Variants in FAT3 observed in about 807,000 individuals in gnomAD.
FAT3 encodes FAT atypical cadherin 3.
In FAT3, 95 loss-of-function variants were observed where a neutral mutation model predicts 310.2. The observed-to-expected ratio is 0.31, with a 90% confidence interval of 0.26 to 0.36. The LOEUF is 0.36. Ranked by LOEUF, FAT3 falls within the 10% of genes least tolerant of loss-of-function variation. FAT3 has a pLI of 1.00. For missense variants in FAT3, 5,408 were observed against 5,715.6 expected (o/e 0.95, Z 1.74); for synonymous variants, 2,314 against 2,192.9 (o/e 1.06, Z -1.54).
chr11:92,859,453 G>C, intron 21 of FAT3, 131 bp downstream of exon 21: 1 of 918,850 alleles, frequency 1.1e-6, no homozygotes, highest in African/African-American at 1.7e-5. Context: ...TGGGCAAAGG[G>C]GAGCAGCGGC....
At chr11:92,453,204 A>C (rs1215577254) in intron 2 of FAT3, among the ~76,000 whole-genome samples, 1 of 152,242 alleles carries the variant, frequency 6.6e-6, no homozygotes, top group Non-Finnish European at 1.5e-5. Context: ...AAAAGCTGTT[A>C]TCAGGGCCTG....
At chr11:92,550,954 T>C (rs1954793744) in intron 3 of FAT3, among the ~76,000 whole-genome samples, 1 of 151,948 alleles carries the variant, frequency 6.6e-6, no homozygotes, top group Admixed American at 6.6e-5. Context: ...AGCCCTCTTC[T>C]TCTTGATTTA....
chr11:92,810,112 G>T, intron 13 of FAT3, 36 bp downstream of exon 13: 1 of 1,582,330 alleles, frequency 6.3e-7, no homozygotes. Flanking sequence ...GTCACACAGT[G>T]GACACTTTGT....
chr11:92,664,922 G>A (rs528585462), intron 3 of FAT3, among the ~76,000 whole-genome samples: 8 of 152,152 alleles, frequency 5.3e-5, no homozygotes, highest in East Asian at 1.9e-4. Flanking sequence ...TTTTGTTTGC[G>A]GATTACATTT....
chr11:92,820,360 C>G (rs2136233297), intron 13 of FAT3, among the ~76,000 whole-genome samples: 1 of 152,188 alleles, frequency 6.6e-6, no homozygotes, highest in South Asian at 2.1e-4. Context: ...GTCACTAATC[C>G]TATCACATTA....
At chr11:92,351,505 A>G (rs1948565090) in intron 1 of FAT3, among the ~76,000 whole-genome samples, 1 of 152,158 alleles carries the variant, frequency 6.6e-6, no homozygotes, top group Non-Finnish European at 1.5e-5. Context: ...AACTCATGCT[A>G]TATATACTGT....
intron 2 of FAT3, among the ~76,000 whole-genome samples, chr11:92,522,989 A>G (rs1012014081): frequency 1.2e-4 from 19 of 152,164 alleles, no homozygotes; most frequent in Admixed American, 1.2e-3. Context: ...CACCTTCGGC[A>G]CACACTGGAC....
intron 13 of FAT3, among the ~76,000 whole-genome samples, chr11:92,822,345 A>G (rs73560353): frequency 6.6e-6 from 1 of 151,862 alleles, no homozygotes. Context: ...CTGAACTGCT[A>G]ATTTGGATCA....
At chr11:92,407,802 T>C (rs1950164880) in intron 2 of FAT3, among the ~76,000 whole-genome samples, 1 of 152,190 alleles carries the variant, frequency 6.6e-6, no homozygotes, top group South Asian at 2.1e-4. Flanking sequence ...AAGAGGACAT[T>C]AATTCCTGTT....
intron 4 of FAT3, 123 bp downstream of exon 4, chr11:92,697,568 T>C: frequency 2.1e-6 from 2 of 970,486 alleles, no homozygotes; most frequent in Non-Finnish European, 3.2e-6. Flanking sequence ...GATATTTCTC[T>C]TGGGCTGCTA....
At chr11:92,313,173 T>C (rs1947353066) in intron 1 of FAT3, among the ~76,000 whole-genome samples, 1 of 152,220 alleles carries the variant, frequency 6.6e-6, no homozygotes, top group Non-Finnish European at 1.5e-5. Flanking sequence ...TTTGCTTATG[T>C]GTGATTTCCT....
intron 19 of FAT3, among the ~76,000 whole-genome samples, chr11:92,854,176 A>G (rs1948909151): frequency 6.6e-6 from 1 of 152,196 alleles, no homozygotes; most frequent in African/African-American, 2.4e-5. Context: ...ATGCATGCAT[A>G]TCCATCCAGG....
chr11:92,507,133 G>A (rs1953128334), intron 2 of FAT3, among the ~76,000 whole-genome samples: 1 of 152,162 alleles, frequency 6.6e-6, no homozygotes. Flanking sequence ...TGGTGCTGTC[G>A]ACAGAGCAAG....
chr11:92,318,583 C>A (rs1947528082), intron 1 of FAT3, among the ~76,000 whole-genome samples: 1 of 152,122 alleles, frequency 6.6e-6, no homozygotes, highest in Non-Finnish European at 1.5e-5. Context: ...AGATAAACTC[C>A]TTGAAGAAAA....
rs1232028331 is a variant in FAT3, at chr11:92,798,548, C to T, written c.5535C>T (p.Ala1845=). 4 of 1,613,678 alleles carry T rather than the reference C, an allele frequency of 2.5e-6. No individual in the cohort carries two copies. The East Asian group carries it at 6.7e-5, about 27-fold the overall frequency. The stretch of plus-strand genomic sequence containing the variant: ...CCAACCTGGACCATGAAACCATTGC[C>T]CATTTCCATTTTCATGTGCATGTGA... ...TIANLDHETI[A]HFHFHVHVRD... Residue 1845 remains alanine (A), a synonymous_variant, in exon 10 of 28, where the codon GCC becomes GCT. Transcript: ENST00000525166.
rs1315135055 is a variant in FAT3, at chr11:92,891,931, C to T, written c.*818C>T. ...CCAGTTGGTAAATCTAACATTGCTA[C>T]AGAAGTTGGCTTTGTTCATATAGCT... On this transcript the variant is annotated 3_prime_UTR_variant, in exon 28 of 28. Coordinates refer to ENST00000525166, the MANE Select transcript of FAT3 (RefSeq NM_001367949.2). 6.6e-6 allele frequency: 1 copy of T among 152,070 alleles called. No individual in the cohort carries two copies. The highest frequency in any genetic ancestry group is 2.4e-5 in the African/African-American group (1 of 41,392). 9.4% of individuals were successfully genotyped at this position (152,070 alleles called of 1,614,324 possible). A position where few individuals can be genotyped will look rare whatever the true frequency, so the allele number is the denominator to read the frequency against.
At chr11:92,806,079 G>A (rs901275575) in intron 11 of FAT3, among the ~76,000 whole-genome samples, 2 of 152,114 alleles carry the variant, frequency 1.3e-5, no homozygotes, top group Non-Finnish European at 1.5e-5. Flanking sequence ...ACAAGAGTGG[G>A]GATGTTCCTC....
intron 1 of FAT3, among the ~76,000 whole-genome samples, chr11:92,309,890 A>G (rs1947251684): frequency 6.6e-6 from 1 of 151,564 alleles, no homozygotes. Context: ...AAGGCTTCCA[A>G]CTAATTGGCT....
intron 2 of FAT3, among the ~76,000 whole-genome samples, chr11:92,462,924 C>T (rs1229122423): frequency 6.6e-6 from 1 of 152,186 alleles, no homozygotes; most frequent in Admixed American, 6.5e-5. Context: ...ACTCTGTTGC[C>T]CATTGGCATT....
Sources: allele counts gnomAD v4.1 joint callset (sites outside exome capture counted in the v4.1 genomes callset), GRCh38; gene constraint gnomAD v4.1.1; transcripts MANE v1.5; gene names NCBI Gene and HGNC (gene_info 2026-07-23, HGNC 2026-07-21).